The following PLEKHA7 variants were observed in gnomAD, a reference collection of about 807,000 sequenced individuals.
PLEKHA7 encodes pleckstrin homology domain-containing family A member 7.
PLEKHA7 carries 104 observed loss-of-function variants against 170.0 expected under a neutral mutation model. The ratio of observed to expected loss-of-function variants is 0.61; its 90% CI spans 0.52 to 0.72. The LOEUF is 0.72. Ranked by LOEUF, PLEKHA7 falls within the 30% of genes least tolerant of loss-of-function variation. The pLI, the probability that PLEKHA7 is intolerant of heterozygous loss-of-function variation, is 0.00. For synonymous variants in PLEKHA7, 648 were observed against 660.8 expected (o/e 0.98, Z 0.30); for missense variants, 1,615 against 1,671.7 (o/e 0.97, Z 0.59).
chr11:16,812,784 C>A (rs1849466536), intron 13 of PLEKHA7, among the ~76,000 whole-genome samples: 1 of 152,184 alleles, frequency 6.6e-6, no homozygotes, highest in South Asian at 2.1e-4. Flanking sequence ...CAAACATACA[C>A]CCCTGCCCCC....
intron 17 of PLEKHA7, among the ~76,000 whole-genome samples, chr11:16,798,790 C>T (rs968206982): frequency 9.2e-5 from 14 of 152,162 alleles, no homozygotes; most frequent in Admixed American, 3.9e-4. Context: ...CCAGCAAGTC[C>T]ACTCCTAGGA....
At chr11:16,811,346 C>T (rs1320265213) in intron 13 of PLEKHA7, among the ~76,000 whole-genome samples, 2 of 152,188 alleles carry the variant, frequency 1.3e-5, no homozygotes, top group Non-Finnish European at 2.9e-5. Context: ...CCCATAGGCC[C>T]AGGTGCACTA....
At chr11:16,779,084 C>T in intron 26 of PLEKHA7, 64 bp from the exon 27 acceptor site, 3 of 701,950 alleles carry the variant, frequency 4.3e-6, no homozygotes, top group Non-Finnish European at 7.8e-6. Context: ...TCTGCACACA[C>T]ATGATGGAAT....
In PLEKHA7 at chr11:16,777,756, T is replaced by G. The variant is rs966060438; in HGVS notation, c.*1242A>C. On this transcript the variant is annotated 3_prime_UTR_variant, in exon 27 of 27. Coordinates refer to ENST00000531066, the MANE Select transcript of PLEKHA7 (RefSeq NM_001329630.2). ...TTATGGCCCTGCTGGCGGCAGGCCA[T>G]GAGGGATGGTGGGGGCACACTGCTG... The G allele has an allele frequency of 6.6e-6, 1 of 152,162 alleles. No individual in the cohort carries two copies. The highest frequency in any genetic ancestry group is 6.5e-5 in the Admixed American group (1 of 15,282). 9.4% of individuals were successfully genotyped at this position (152,162 alleles called of 1,614,324 possible).
intron 3 of PLEKHA7, among the ~76,000 whole-genome samples, chr11:16,955,945 T>C (rs1325191019): frequency 2.6e-5 from 4 of 151,986 alleles, no homozygotes; most frequent in Non-Finnish European, 4.4e-5. Context: ...CAGGAGAGGA[T>C]CGCTTCAGCC....
At chr11:16,912,582 C>T (rs1266322554) in intron 3 of PLEKHA7, among the ~76,000 whole-genome samples, 3 of 152,272 alleles carry the variant, frequency 2.0e-5, no homozygotes, top group East Asian at 1.9e-4. Context: ...GTACGAGACA[C>T]GGAAGGAGGG....
chr11:16,997,971 G>A (rs1864442577), intron 3 of PLEKHA7, among the ~76,000 whole-genome samples: 1 of 152,182 alleles, frequency 6.6e-6, no homozygotes, highest in Non-Finnish European at 1.5e-5. Context: ...GAGAACCCCA[G>A]ATAGGGAACG....
chr11:16,905,117 T>TG (rs917734931), intron 3 of PLEKHA7, among the ~76,000 whole-genome samples: 5 of 152,140 alleles, frequency 3.3e-5, no homozygotes, highest in African/African-American at 1.2e-4. Flanking sequence ...CTGGGTGTGG[T>TG]GGCACACACC....
At chr11:16,788,192 G>C (rs1365038887) in intron 23 of PLEKHA7, 1 of 152,416 alleles carries the variant, frequency 6.6e-6, no homozygotes, top group Non-Finnish European at 1.5e-5. Context: ...GGTGGCTTTT[G>C]GGACAAGTGA....
chr11:16,782,079 A>C (rs1484106711), intron 26 of PLEKHA7, among the ~76,000 whole-genome samples: 2 of 152,022 alleles, frequency 1.3e-5, no homozygotes, highest in Non-Finnish European at 2.9e-5. Flanking sequence ...ATACACAGAC[A>C]CACACACATA....
intron 10 of PLEKHA7, among the ~76,000 whole-genome samples, chr11:16,821,247 A>G (rs1172819154): frequency 6.6e-6 from 1 of 152,142 alleles, no homozygotes; most frequent in East Asian, 1.9e-4. Context: ...CAGGACTTCC[A>G]TTTTCTACTC....
chr11:16,806,934 G>A (rs1849031817), intron 13 of PLEKHA7, among the ~76,000 whole-genome samples: 2 of 152,340 alleles, frequency 1.3e-5, no homozygotes, highest in Non-Finnish European at 2.9e-5. Context: ...CACAAAACAT[G>A]GAGTCACAGA....
chr11:16,824,766 C>A lies in PLEKHA7; in HGVS notation c.1343+1354G>T, dbSNP rs10832689. 3.6e-3 allele frequency among the ~76,000 whole-genome samples: 545 copies of A among 152,134 alleles called. 3 individuals are homozygous for A. The highest frequency in any genetic ancestry group is 0.012 in the African/African-American group (518 of 41,484). ...AAAACCTTCCCGTGGTTCCCTATTG[C>A]TTTTTCAAATAAAATTCAAATGCCT... On this transcript the variant is annotated intron_variant, in intron 10 of 26. Coordinates refer to ENST00000531066, the MANE Select transcript of PLEKHA7 (RefSeq NM_001329630.2).
rs1004886500 is a variant in PLEKHA7 at position 16,810,395 on chromosome 11, C to T, written c.2007+2718G>A. 4.6e-5 allele frequency among the ~76,000 whole-genome samples: 7 copies of T among 152,258 alleles called. No homozygotes were observed. The South Asian group carries it at 1.0e-3, about 23-fold the overall frequency. ...CTGGGCCTGCCCCTCTGAGGGAAGCCGGGGGGTGCCAGCCTTTCTGGCAGC... is the reference window on the plus strand; with the variant it reads ...CTGGGCCTGCCCCTCTGAGGGAAGCTGGGGGGTGCCAGCCTTTCTGGCAGC... On this transcript the variant is annotated intron_variant, in intron 13 of 26. Transcript: ENST00000531066.
Position 17,014,315 on chromosome 11 carries a change from C to T in PLEKHA7, c.86+1G>A. 5 of 1,444,568 alleles carry T rather than the reference C, an allele frequency of 3.5e-6. No homozygotes were observed. Among genetic ancestry groups the T allele is most frequent in the Non-Finnish European group, 4.6e-6 (5 of 1,094,372 alleles). 89.5% of individuals were successfully genotyped at this position (1,444,568 alleles called of 1,614,324 possible). ...CGCGTCCCCGGGTCCTCGCGCCGCA[C>T]TTGATGAAGAAGACGCGGCCATCCC... is the stretch of plus-strand genomic sequence containing the variant. On this transcript the variant is annotated splice_donor_variant, in intron 1 of 26. Coordinates refer to ENST00000531066, the MANE Select transcript of PLEKHA7 (RefSeq NM_001329630.2). LOFTEE classifies it high-confidence loss of function.
At chr11:16,859,948 G>A (rs969763919) in intron 4 of PLEKHA7, among the ~76,000 whole-genome samples, 4 of 152,200 alleles carry the variant, frequency 2.6e-5, no homozygotes, top group Non-Finnish European at 5.9e-5. Context: ...CTGTGTTATC[G>A]GAAATCCCAA....
At chr11:16,793,693 C>T (rs940617461) in intron 19 of PLEKHA7, among the ~76,000 whole-genome samples, 1 of 152,230 alleles carries the variant, frequency 6.6e-6, no homozygotes, top group South Asian at 2.1e-4. Flanking sequence ...GAGGCGTGAG[C>T]TCTCTTGGGA....
At chr11:16,959,073 TTTTTG>T (rs1861883906) in intron 3 of PLEKHA7, among the ~76,000 whole-genome samples, 2 of 152,186 alleles carry the variant, frequency 1.3e-5, no homozygotes, top group South Asian at 4.1e-4. Flanking sequence ...GTTGTTTCGT[TTTTTG>T]TTTTTTGTTT....
chr11:16,945,168 T>A (rs759283023), intron 3 of PLEKHA7, among the ~76,000 whole-genome samples: 37 of 152,236 alleles, frequency 2.4e-4, no homozygotes, highest in Non-Finnish European at 1.2e-4. Flanking sequence ...ACTCCTGACC[T>A]TAAGTGATTC....
Sources: gnomAD v4.1 joint callset for allele counts (sites outside exome capture counted in the v4.1 genomes callset) on GRCh38, gnomAD v4.1.1 for gene constraint, MANE v1.5 for transcripts, NCBI Gene and HGNC (gene_info 2026-07-23, HGNC 2026-07-21) for gene names.